Variants in MBD2 observed in about 807,000 individuals in gnomAD.
MBD2 encodes the protein methyl-CpG binding domain protein 2, also known as methyl-CpG-binding domain protein 2.
A neutral mutation model predicts 39.3 loss-of-function variants in MBD2; 9 were observed. The ratio of observed to expected loss-of-function variants is 0.23; its 90% CI spans 0.14 to 0.40. The LOEUF is 0.40. Ranked by LOEUF, MBD2 falls within the 10% of genes least tolerant of loss-of-function variation. The probability of loss-of-function intolerance (pLI) is 1.00; values close to 1 mark genes in which losing one functional copy is unlikely to be tolerated. For synonymous variants in MBD2, 233 were observed against 211.1 expected, an observed-to-expected ratio of 1.10 and a Z score of -0.90; for missense variants, 458 against 532.6, an observed-to-expected ratio of 0.86 and a Z score of 1.38.
chr18:54,193,138 T>C (rs1171556158), intron 2 of MBD2, among the ~76,000 whole-genome samples: 5 of 152,220 alleles, frequency 3.3e-5, no homozygotes, highest in Non-Finnish European at 1.5e-5. Context: ...ACCTCTACCC[T>C]GAGGACTGCC....
At chr18:54,220,846 C>A (rs2086605440) in intron 1 of MBD2, among the ~76,000 whole-genome samples, 1 of 152,212 alleles carries the variant, frequency 6.6e-6, no homozygotes, top group Non-Finnish European at 1.5e-5. Context: ...TCACAATTAT[C>A]ATATTACGCT....
At chr18:54,191,180 G>T (rs1342399736) in intron 2 of MBD2, among the ~76,000 whole-genome samples, 1 of 152,132 alleles carries the variant, frequency 6.6e-6, no homozygotes, top group Non-Finnish European at 1.5e-5. Flanking sequence ...ATCACCCAGA[G>T]GGCTTGTTAA....
chr18:54,170,883 A>G (rs956886460), intron 3 of MBD2, among the ~76,000 whole-genome samples: 14 of 152,348 alleles, frequency 9.2e-5, no homozygotes, highest in Non-Finnish European at 1.9e-4. Flanking sequence ...AAGAAATTGT[A>G]TGGGCAAGGA....
intron 3 of MBD2, among the ~76,000 whole-genome samples, chr18:54,179,255 AC>A (rs2086232734): frequency 6.6e-6 from 1 of 152,136 alleles, no homozygotes; most frequent in African/African-American, 2.4e-5. Flanking sequence ...GGCTGAGATG[AC>A]CTCCCAATTA....
intron 1 of MBD2, among the ~76,000 whole-genome samples, chr18:54,214,006 T>TC (rs1462394192): frequency 6.0e-5 from 9 of 149,154 alleles, no homozygotes; most frequent in Admixed American, 2.7e-4. Flanking sequence ...TTTCTTTCTT[T>TC]TTTTTTTTTT....
At chr18:54,202,350 A>G (rs1355795307) in intron 2 of MBD2, among the ~76,000 whole-genome samples, 5 of 152,112 alleles carry the variant, frequency 3.3e-5, no homozygotes, top group Admixed American at 1.3e-4. Flanking sequence ...AACAAACACA[A>G]TAATGTACTG....
intron 1 of MBD2, among the ~76,000 whole-genome samples, chr18:54,207,043 T>A (rs1472802977): frequency 6.6e-6 from 1 of 152,220 alleles, no homozygotes; most frequent in Non-Finnish European, 1.5e-5. Flanking sequence ...AGCGCCCCCA[T>A]GTCTCAGCCA....
intron 1 of MBD2, among the ~76,000 whole-genome samples, chr18:54,208,899 T>A (rs2086475552): frequency 6.6e-6 from 1 of 152,262 alleles, no homozygotes; most frequent in South Asian, 2.1e-4. Context: ...ATTAAAAGGC[T>A]ATACTCACGA....
chr18:54,192,399 ATTT>A (rs1246011137), intron 2 of MBD2, among the ~76,000 whole-genome samples: 10 of 151,912 alleles, frequency 6.6e-5, no homozygotes, highest in African/African-American at 2.4e-4. Context: ...CACCCAGCTA[ATTT>A]TTTTATTTTT....
intron 3 of MBD2, among the ~76,000 whole-genome samples, chr18:54,172,013 T>C (rs1457230899): frequency 6.6e-6 from 1 of 152,322 alleles, no homozygotes; most frequent in Non-Finnish European, 1.5e-5. Flanking sequence ...CTTCTACTCA[T>C]GCCATCAAAG....
intron 2 of MBD2, among the ~76,000 whole-genome samples, chr18:54,202,399 G>T (rs1433603601): frequency 6.6e-6 from 1 of 152,102 alleles, no homozygotes; most frequent in African/African-American, 2.4e-5. Flanking sequence ...CATTACCTCA[G>T]ATTTCTATTA....
chr18:54,214,090 C>T (rs985158994), intron 1 of MBD2, among the ~76,000 whole-genome samples: 6 of 149,354 alleles, frequency 4.0e-5, no homozygotes, highest in Admixed American at 6.7e-5. Flanking sequence ...CATTACTTCA[C>T]TATACTCTTC....
At chr18:54,182,323 AATCAGGGGTTTTCTGAACAGAAGTGAC>A (rs1159165701) in intron 3 of MBD2, among the ~76,000 whole-genome samples, 1 of 152,238 alleles carries the variant, frequency 6.6e-6, no homozygotes, top group East Asian at 1.9e-4. Flanking sequence ...AAACTTGGTA[AATCAGGGGTTTTCTGAACAGAAGTGAC>A]ATCTAAGTTC....
intron 2 of MBD2, among the ~76,000 whole-genome samples, chr18:54,190,111 A>T (rs898440220): frequency 6.6e-6 from 1 of 152,206 alleles, no homozygotes; most frequent in Non-Finnish European, 1.5e-5. Flanking sequence ...TATAAAAACA[A>T]ATATGTACAA....
chr18:54,224,640 C>T lies in MBD2; in HGVS notation c.-81G>A. On this transcript the variant is annotated 5_prime_UTR_variant, in exon 1 of 7. Coordinates refer to ENST00000256429, the MANE Select transcript of MBD2 (RefSeq NM_003927.5). ...CCGGAGACCCGCCCCGCCCGCAGCG[C>T]GGCGCGCGGGGGACGCGCGCAAGCA... The T allele has an allele frequency of 9.5e-7, 1 of 1,049,322 alleles. No individual in the cohort carries two copies. Among genetic ancestry groups the T allele is most frequent in the Non-Finnish European group, 1.2e-6 (1 of 821,950 alleles). 65.0% of individuals were successfully genotyped at this position (1,049,322 alleles called of 1,614,324 possible). A position where few individuals can be genotyped will look rare whatever the true frequency, so the allele number is the denominator to read the frequency against.
intron 3 of MBD2, among the ~76,000 whole-genome samples, chr18:54,170,329 G>A (rs1378218724): frequency 1.3e-5 from 2 of 152,114 alleles, no homozygotes; most frequent in Non-Finnish European, 2.9e-5. Context: ...TTTCATAATT[G>A]TTATATATTT....
chr18:54,157,502 C>T (rs973785054), intron 6 of MBD2, among the ~76,000 whole-genome samples: 3 of 152,148 alleles, frequency 2.0e-5, no homozygotes, highest in Non-Finnish European at 4.4e-5. Flanking sequence ...CTCAGGACAT[C>T]CATCCACCTC....
At position 54,167,038 on chromosome 18, in the gene MBD2, T is replaced by A. The variant is rs117384534; in HGVS notation, c.841-872A>T. 7.5e-3 allele frequency among the ~76,000 whole-genome samples: 1,143 copies of A among 152,300 alleles called. 9 individuals carry two copies. The highest frequency in any genetic ancestry group is 0.024 in the Middle Eastern group (7 of 294). On this transcript the variant is annotated intron_variant, in intron 3 of 6. Transcript: ENST00000256429. Reference sequence around the variant, plus strand: ...ATGTGACAGTCAGTAAGAGAGACAATGTCACTGTCCTCATGCCTCATCTCT... The same window carrying A: ...ATGTGACAGTCAGTAAGAGAGACAAAGTCACTGTCCTCATGCCTCATCTCT...
At chr18:54,179,753 C>T (rs1253775550) in intron 3 of MBD2, among the ~76,000 whole-genome samples, 1 of 151,830 alleles carries the variant, frequency 6.6e-6, no homozygotes, top group Non-Finnish European at 1.5e-5. Context: ...AGAATATTTA[C>T]AAAAAAGCCT....
Sources: gnomAD v4.1 joint callset for allele counts (sites outside exome capture counted in the v4.1 genomes callset) on GRCh38, gnomAD v4.1.1 for gene constraint, MANE v1.5 for transcripts, NCBI Gene and HGNC (gene_info 2026-07-23, HGNC 2026-07-21) for gene names.